The following PTPRD variants were observed in gnomAD, a reference collection of about 807,000 sequenced individuals.
PTPRD encodes protein tyrosine phosphatase receptor type D, also known as receptor-type tyrosine-protein phosphatase delta.
In PTPRD, 34 loss-of-function variants were observed where a neutral mutation model predicts 214.5. That is an observed-to-expected ratio of 0.16 (90% CI 0.12 to 0.21). PTPRD has a LOEUF of 0.21. Among genes scored for constraint, PTPRD ranks in the 10% least tolerant of loss-of-function variants. The probability of loss-of-function intolerance (pLI) is 1.00; values close to 1 mark genes in which losing one functional copy is unlikely to be tolerated. For synonymous variants in PTPRD, 1,128 were observed against 845.7 expected, an observed-to-expected ratio of 1.33 and a Z score of -5.79; for missense variants, 2,545 against 2,398.7, an observed-to-expected ratio of 1.06 and a Z score of -1.27.
intron 4 of PTPRD, among the ~76,000 whole-genome samples, chr9:10,030,955 T>C (rs553811956): frequency 6.6e-6 from 1 of 152,290 alleles, no homozygotes; most frequent in South Asian, 2.1e-4. Flanking sequence ...TGGTAGATAG[T>C]AGATAACACA....
At chr9:10,198,229 A>G (rs1048419832) in intron 3 of PTPRD, among the ~76,000 whole-genome samples, 3 of 152,164 alleles carry the variant, frequency 2.0e-5, no homozygotes, top group African/African-American at 7.2e-5. Context: ...ACTAACAACA[A>G]GAATGAATCT....
intron 10 of PTPRD, among the ~76,000 whole-genome samples, chr9:9,154,509 A>G (rs1230192680): frequency 6.6e-6 from 1 of 152,180 alleles, no homozygotes; most frequent in Non-Finnish European, 1.5e-5. Flanking sequence ...TCTCATAAAG[A>G]TATGAACCTA....
At chr9:8,467,783 T>TAA (rs59554370) in intron 31 of PTPRD, among the ~76,000 whole-genome samples, 13 of 151,610 alleles carry the variant, frequency 8.6e-5, no homozygotes, top group South Asian at 4.2e-4. Flanking sequence ...ATATGCTAAT[T>TAA]AAAAAAAATC....
chr9:8,997,370 T>A (rs906405164), intron 11 of PTPRD, among the ~76,000 whole-genome samples: 1 of 152,092 alleles, frequency 6.6e-6, no homozygotes, highest in Admixed American at 6.6e-5. Flanking sequence ...GTGTCACATT[T>A]AGGTAATTTT....
chr9:8,657,424 C>A (rs986124803), intron 12 of PTPRD, among the ~76,000 whole-genome samples: 1 of 152,056 alleles, frequency 6.6e-6, no homozygotes, highest in Admixed American at 6.6e-5. Context: ...CCACCTTGGC[C>A]CCCCAAAGTG....
chr9:8,528,120 A>G (rs2074684786), intron 15 of PTPRD: 2 of 271,956 alleles, frequency 7.4e-6, no homozygotes, highest in Non-Finnish European at 1.4e-5. Context: ...TAGAAAAGAT[A>G]GCAGAAAACA....
intron 2 of PTPRD, among the ~76,000 whole-genome samples, chr9:10,556,514 C>CGTG (rs1226865999): frequency 1.3e-5 from 2 of 151,976 alleles, no homozygotes; most frequent in Non-Finnish European, 2.9e-5. Flanking sequence ...CTGAGAGTCA[C>CGTG]GTGGTGATAC....
intron 3 of PTPRD, among the ~76,000 whole-genome samples, chr9:10,118,269 C>T (rs940925296): frequency 6.6e-6 from 1 of 151,444 alleles, no homozygotes; most frequent in Admixed American, 6.6e-5. Context: ...TCTATAGAAA[C>T]ATTTATTATC....
intron 8 of PTPRD, among the ~76,000 whole-genome samples, chr9:9,424,257 G>A (rs1448353187): frequency 6.6e-6 from 1 of 152,144 alleles, no homozygotes; most frequent in Non-Finnish European, 1.5e-5. Flanking sequence ...TTATATAAAT[G>A]CTAATGCTGA....
rs1047586746 is a variant in PTPRD, at chr9:8,482,794, C to T, written c.3413+1325G>A. Reference sequence around the variant, plus strand: ...GTGGCCAGGCGCTCTGGGATCCAGCCGTATGGCACCACTGGGTGCCTTTAG... The same window carrying T: ...GTGGCCAGGCGCTCTGGGATCCAGCTGTATGGCACCACTGGGTGCCTTTAG... On this transcript the variant is annotated intron_variant, in intron 30 of 45. Coordinates refer to ENST00000381196, the MANE Select transcript of PTPRD (RefSeq NM_002839.4). Among the ~76,000 whole-genome samples, 86 of 152,260 alleles carry T rather than the reference C, an allele frequency of 5.6e-4. 1 individual carries two copies. Among genetic ancestry groups the T allele is most frequent in the Admixed American group, 5.2e-3 (80 of 15,298 alleles).
At chr9:10,322,100 A>G (rs1179009722) in intron 3 of PTPRD, among the ~76,000 whole-genome samples, 2 of 152,056 alleles carry the variant, frequency 1.3e-5, no homozygotes, top group Non-Finnish European at 2.9e-5. Context: ...GGGTTATTAC[A>G]TTAGTGTTTC....
chr9:10,204,138 G>A (rs2099452145), intron 3 of PTPRD, among the ~76,000 whole-genome samples: 1 of 151,882 alleles, frequency 6.6e-6, no homozygotes, highest in African/African-American at 2.4e-5. Flanking sequence ...CTTTAATTTT[G>A]AAGGCATTGA....
At chr9:9,021,166 T>A (rs2099568410) in intron 10 of PTPRD, among the ~76,000 whole-genome samples, 1 of 152,158 alleles carries the variant, frequency 6.6e-6, no homozygotes, top group Non-Finnish European at 1.5e-5. Context: ...TTTTGTTACA[T>A]AAACACCTTA....
At chr9:9,508,667 G>A (rs976533466) in intron 8 of PTPRD, among the ~76,000 whole-genome samples, 23 of 151,318 alleles carry the variant, frequency 1.5e-4, no homozygotes, top group African/African-American at 4.4e-4. Flanking sequence ...AGTCTTCTTT[G>A]AGCCTCAAAA....
At chr9:10,099,061 G>C (rs1479030138) in intron 3 of PTPRD, among the ~76,000 whole-genome samples, 1 of 151,746 alleles carries the variant, frequency 6.6e-6, no homozygotes, top group Non-Finnish European at 1.5e-5. Context: ...ATATGTGGTA[G>C]CCCTGTCATA....
At chr9:8,343,359 C>T (rs1243485513) in intron 39 of PTPRD, among the ~76,000 whole-genome samples, 1 of 151,904 alleles carries the variant, frequency 6.6e-6, no homozygotes, top group Non-Finnish European at 1.5e-5. Flanking sequence ...AAGTATAAAC[C>T]CACAAATTGA....
chr9:10,508,943 TA>T (rs553347485), intron 2 of PTPRD, among the ~76,000 whole-genome samples: 1 of 152,014 alleles, frequency 6.6e-6, no homozygotes, highest in East Asian at 1.9e-4. Flanking sequence ...TAGAGTATAA[TA>T]AAAAAATAAA....
chr9:10,285,267 T>A (rs1270928997), intron 3 of PTPRD, among the ~76,000 whole-genome samples: 1 of 131,914 alleles, frequency 7.6e-6, no homozygotes, highest in Non-Finnish European at 1.5e-5. Context: ...GACTACTTGT[T>A]TTCACGTGAG....
intron 4 of PTPRD, among the ~76,000 whole-genome samples, chr9:10,006,690 C>T (rs2096484339): frequency 6.6e-6 from 1 of 151,876 alleles, no homozygotes; most frequent in South Asian, 2.1e-4. Flanking sequence ...AATATTTTTA[C>T]TTGATTAGGT....
Sources: gnomAD v4.1 joint callset for allele counts (sites outside exome capture counted in the v4.1 genomes callset) on GRCh38, gnomAD v4.1.1 for gene constraint, MANE v1.5 for transcripts, NCBI Gene and HGNC (gene_info 2026-07-23, HGNC 2026-07-21) for gene names.